The following ADK variants were observed in gnomAD, a reference collection of about 807,000 sequenced individuals.
ADK encodes N6,N6-dimethyladenosine kinase.
A neutral mutation model predicts 44.7 loss-of-function variants in ADK; 24 were observed. That is an observed-to-expected ratio of 0.54 (90% CI 0.39 to 0.76). ADK has a LOEUF of 0.76. ADK is among the 30% of genes least tolerant of loss of function. The pLI is 0.00. For synonymous variants in ADK, 128 were observed against 142.6 expected (o/e 0.90, Z 0.73); for missense variants, 321 against 425.1 (o/e 0.76, Z 2.15).
At chr10:74,654,848 C>T (rs1334773238) in intron 9 of ADK, 11 of 152,188 alleles carry the variant, frequency 7.2e-5, no homozygotes, top group Admixed American at 4.6e-4. Context: ...CCAATATGGG[C>T]CCAGGGCCTG....
chr10:74,259,660 T>C (rs1210596479), intron 3 of ADK, among the ~76,000 whole-genome samples: 1 of 152,010 alleles, frequency 6.6e-6, no homozygotes, highest in African/African-American at 2.4e-5. Flanking sequence ...GGTTTCACCA[T>C]GTTAGCCAGG....
chr10:74,190,316 T>C (rs1016902383), intron 1 of ADK, among the ~76,000 whole-genome samples: 4 of 152,216 alleles, frequency 2.6e-5, no homozygotes, highest in African/African-American at 9.6e-5. Context: ...CAACCAGGCT[T>C]TCAGTTCATC....
chr10:74,595,538 G>A (rs1471896530), intron 8 of ADK, among the ~76,000 whole-genome samples: 2 of 150,002 alleles, frequency 1.3e-5, no homozygotes, highest in South Asian at 2.2e-4. Flanking sequence ...CACCACATCC[G>A]GCTAATTTTT....
chr10:74,302,109 GTTTTTTTTTTTTTTTTT>G (rs1172807289), intron 3 of ADK, among the ~76,000 whole-genome samples: 7 of 13,040 alleles, frequency 5.4e-4, no homozygotes, highest in South Asian at 8.8e-3. Context: ...TTGTTTGTTT[GTTTTTTTTTTTTTTTTT>G]TTTTTTTTTT....
At chr10:74,269,854 T>A (rs1258882352) in intron 3 of ADK, among the ~76,000 whole-genome samples, 2 of 152,010 alleles carry the variant, frequency 1.3e-5, no homozygotes, top group Non-Finnish European at 2.9e-5. Context: ...AAAAATTAGC[T>A]GGGCGTGGTG....
chr10:74,350,113 ATTC>A lies in ADK; in HGVS notation c.273+35373_273+35375del, dbSNP rs1841915475. On this transcript the variant is annotated intron_variant, in intron 4 of 10. Transcript: ENST00000539909. ...TCTACCCCAAATCAACAGAATATAC[ATTC>A]TTCTCAGCAGCACATGGCACTTATT... 4.6e-5 allele frequency among the ~76,000 whole-genome samples: 7 copies of A among 152,314 alleles called. No homozygotes were observed. In the South Asian group the frequency reaches 1.5e-3, roughly 32 times the overall value.
intron 6 of ADK, among the ~76,000 whole-genome samples, chr10:74,512,059 C>G (rs572282679): frequency 1.3e-5 from 2 of 152,222 alleles, no homozygotes; most frequent in African/African-American, 4.8e-5. Context: ...TTGAGATGAT[C>G]ATATGATTTT....
At chr10:74,279,047 G>A (rs1846813105) in intron 3 of ADK, among the ~76,000 whole-genome samples, 2 of 152,156 alleles carry the variant, frequency 1.3e-5, no homozygotes, top group African/African-American at 4.8e-5. Flanking sequence ...TTGGGAGGCT[G>A]AGGCAGGTGG....
At chr10:74,255,065 C>G (rs1354986780) in intron 3 of ADK, among the ~76,000 whole-genome samples, 3 of 151,854 alleles carry the variant, frequency 2.0e-5, no homozygotes, top group Admixed American at 6.6e-5. Context: ...ACCATGAGAT[C>G]CATGGAGGAA....
rs34777095 is a variant in ADK, at chr10:74,536,481, T to TAA, written c.726+11064_726+11065dup. On this transcript the variant is annotated intron_variant, in intron 7 of 10. Coordinates refer to ENST00000539909, the MANE Select transcript of ADK (RefSeq NM_006721.4). Reference sequence around the variant, plus strand: ...ATTTACTTTCTTTTTTTAATTCTGGTAAAAAAAAAATACACAATATAAAAT... The same window carrying TAA: ...ATTTACTTTCTTTTTTTAATTCTGGTAAAAAAAAAAAATACACAATATAAAAT... 3.0e-3 allele frequency among the ~76,000 whole-genome samples: 444 copies of TAA among 149,742 alleles called. 2 individuals are homozygous for TAA. The highest frequency in any genetic ancestry group is 8.9e-3 in the African/African-American group (365 of 40,954).
At chr10:74,588,375 G>T (rs1851599061) in intron 7 of ADK, among the ~76,000 whole-genome samples, 1 of 151,862 alleles carries the variant, frequency 6.6e-6, no homozygotes, top group Non-Finnish European at 1.5e-5. Context: ...CATTGTTCTT[G>T]GTCATTTTCC....
chr10:74,285,542 A>C (rs11000958), intron 3 of ADK, among the ~76,000 whole-genome samples: 5,405 of 108,956 alleles, frequency 0.05, 353 homozygotes, highest in African/African-American at 0.15. Flanking sequence ...CTATATATCT[A>C]TATCTATATG....
chr10:74,271,702 G>T (rs907573723), intron 3 of ADK, among the ~76,000 whole-genome samples: 1 of 149,500 alleles, frequency 6.7e-6, no homozygotes, highest in Non-Finnish European at 1.5e-5. Flanking sequence ...TGAGAATGAT[G>T]ATTTCCAATT....
chr10:74,260,689 C>G (rs116068220), intron 3 of ADK, among the ~76,000 whole-genome samples: 1 of 152,312 alleles, frequency 6.6e-6, no homozygotes, highest in African/African-American at 2.4e-5. Flanking sequence ...TATTTTTAAA[C>G]TTCAAATAAT....
intron 4 of ADK, among the ~76,000 whole-genome samples, chr10:74,326,637 GT>G (rs1237474485): frequency 6.6e-6 from 1 of 152,022 alleles, no homozygotes; most frequent in Non-Finnish European, 1.5e-5. Context: ...AAAAATTTTG[GT>G]AAAATACAGC....
intron 7 of ADK, among the ~76,000 whole-genome samples, chr10:74,575,281 C>G (rs939546310): frequency 3.3e-5 from 5 of 152,068 alleles, no homozygotes; most frequent in Non-Finnish European, 2.9e-5. Flanking sequence ...AGAGTTTCTG[C>G]ACCAAGAATG....
At chr10:74,473,239 G>T (rs917302441) in intron 6 of ADK, among the ~76,000 whole-genome samples, 2 of 151,814 alleles carry the variant, frequency 1.3e-5, no homozygotes, top group African/African-American at 4.8e-5. Flanking sequence ...GAGCCACTGT[G>T]CCTGGCCTAA....
chr10:74,485,140 A>G (rs1268686407), intron 6 of ADK, among the ~76,000 whole-genome samples: 1 of 152,200 alleles, frequency 6.6e-6, no homozygotes, highest in Non-Finnish European at 1.5e-5. Flanking sequence ...AATAACCCAG[A>G]AAGAATTAAT....
At chr10:74,447,485 G>A (rs1472563444) in intron 6 of ADK, among the ~76,000 whole-genome samples, 1 of 152,078 alleles carries the variant, frequency 6.6e-6, no homozygotes, top group Non-Finnish European at 1.5e-5. Context: ...GAAGTAAAGG[G>A]GAGGGCAGAG....
Sources: allele counts gnomAD v4.1 joint callset (sites outside exome capture counted in the v4.1 genomes callset), GRCh38; gene constraint gnomAD v4.1.1; transcripts MANE v1.5; gene names NCBI Gene and HGNC (gene_info 2026-07-23, HGNC 2026-07-21).